Variants in ABTB3 observed in about 807,000 individuals in gnomAD.
ABTB3 encodes ankyrin repeat- and BTB/POZ domain-containing protein 3.
the ABTB3 span, among the ~76,000 whole-genome samples, chr12:107,358,612 C>T: frequency 6.6e-6 from 1 of 151,356 alleles, no homozygotes; most frequent in African/African-American, 2.4e-5. Context: ...TTTTTTTTCC[C>T]AAGACAGCGT....
the ABTB3 span, among the ~76,000 whole-genome samples, chr12:107,454,377 A>G: frequency 3.3e-5 from 5 of 152,228 alleles, no homozygotes; most frequent in African/African-American, 1.2e-4. Context: ...TCTGCACTGC[A>G]CAGCTTGCAT....
chr12:107,622,015 A>T, the ABTB3 span, among the ~76,000 whole-genome samples: 1 of 152,040 alleles, frequency 6.6e-6, no homozygotes, highest in Non-Finnish European at 1.5e-5. Context: ...CCGAGGTGGG[A>T]GGATTGCTTG....
chr12:107,508,101 T>A, the ABTB3 span, among the ~76,000 whole-genome samples: 2 of 142,616 alleles, frequency 1.4e-5, no homozygotes, highest in Admixed American at 1.4e-4. Context: ...GATGGATGGA[T>A]GGATGGATGG....
the ABTB3 span, among the ~76,000 whole-genome samples, chr12:107,492,391 G>T: frequency 1.3e-5 from 2 of 152,084 alleles, no homozygotes; most frequent in Admixed American, 6.5e-5. Flanking sequence ...TCTCCATCTC[G>T]CAGGTAGATC....
At chr12:107,448,244 C>T in the ABTB3 span, among the ~76,000 whole-genome samples, 1 of 152,182 alleles carries the variant, frequency 6.6e-6, no homozygotes, top group Non-Finnish European at 1.5e-5. Context: ...CTTTCAAGGA[C>T]TTTAAAGGAT....
the ABTB3 span, among the ~76,000 whole-genome samples, chr12:107,578,491 C>G: frequency 2.7e-5 from 4 of 147,064 alleles, no homozygotes; most frequent in African/African-American, 1.0e-4. Flanking sequence ...AGGCAGCAGC[C>G]CAAGGGCAGT....
chr12:107,497,294 C>A, the ABTB3 span, among the ~76,000 whole-genome samples: 4 of 151,054 alleles, frequency 2.6e-5, no homozygotes, highest in African/African-American at 7.4e-5. Flanking sequence ...AACACCACCA[C>A]CATCACTATC....
the ABTB3 span, among the ~76,000 whole-genome samples, chr12:107,345,672 A>G: frequency 2.2e-4 from 33 of 152,268 alleles, 1 homozygote; most frequent in East Asian, 6.2e-3. Flanking sequence ...TGAATTCCCC[A>G]AAGGAAAACA....
At chr12:107,534,194 A>T in the ABTB3 span, among the ~76,000 whole-genome samples, 1 of 149,292 alleles carries the variant, frequency 6.7e-6, no homozygotes, top group African/African-American at 2.5e-5. Context: ...TGGGTAACAT[A>T]GCAATACCCT....
At chr12:107,371,833 C>T in the ABTB3 span, among the ~76,000 whole-genome samples, 1 of 152,140 alleles carries the variant, frequency 6.6e-6, no homozygotes, top group Non-Finnish European at 1.5e-5. Context: ...TCATGGCAGA[C>T]ATAACTAATT....
At chr12:107,485,139 T>C in the ABTB3 span, among the ~76,000 whole-genome samples, 3 of 152,166 alleles carry the variant, frequency 2.0e-5, no homozygotes, top group Middle Eastern at 6.3e-3. Flanking sequence ...TAGGGGTAAA[T>C]AATGGGCCAA....
At chr12:107,520,021 C>T in the ABTB3 span, among the ~76,000 whole-genome samples, 2 of 152,014 alleles carry the variant, frequency 1.3e-5, no homozygotes, top group African/African-American at 4.8e-5. Context: ...GGTAACAGCC[C>T]GACCATCCAG....
At chr12:107,556,905 G>A in the ABTB3 span, among the ~76,000 whole-genome samples, 8 of 152,116 alleles carry the variant, frequency 5.3e-5, no homozygotes, top group East Asian at 1.9e-4. Flanking sequence ...CAAGCTACTC[G>A]GGAGGCTGAG....
the ABTB3 span, among the ~76,000 whole-genome samples, chr12:107,644,963 C>CA: frequency 2.9e-5 from 4 of 137,080 alleles, no homozygotes; most frequent in Admixed American, 7.7e-5. Flanking sequence ...TGCACCATGT[C>CA]AAAATTCACT....
the ABTB3 span, among the ~76,000 whole-genome samples, chr12:107,593,402 T>C: frequency 1.3e-5 from 2 of 152,324 alleles, 1 homozygote; most frequent in South Asian, 4.1e-4. Flanking sequence ...ATTGGAACAC[T>C]AGAAATTTGC....
the ABTB3 span, among the ~76,000 whole-genome samples, chr12:107,451,315 C>T: frequency 1.3e-5 from 2 of 152,174 alleles, no homozygotes; most frequent in African/African-American, 2.4e-5. Context: ...CTAGATGCTG[C>T]AACTCCAAAG....
chr12:107,562,384 G>A, the ABTB3 span, among the ~76,000 whole-genome samples: 8 of 152,232 alleles, frequency 5.3e-5, no homozygotes, highest in Admixed American at 2.0e-4. Flanking sequence ...TTGGAGCAGA[G>A]ATCTAAAGAA....
At chr12:107,345,044 A>G in the ABTB3 span, among the ~76,000 whole-genome samples, 1 of 152,286 alleles carries the variant, frequency 6.6e-6, no homozygotes, top group East Asian at 1.9e-4. Context: ...TCCTTCATCC[A>G]GGCTTGTGAG....
At chr12:107,473,175 T>A in the ABTB3 span, among the ~76,000 whole-genome samples, 1 of 152,158 alleles carries the variant, frequency 6.6e-6, no homozygotes, top group East Asian at 1.9e-4. Flanking sequence ...GTAATATACA[T>A]ACAGAAAGTG....
Sources: gnomAD v4.1 joint callset for allele counts (sites outside exome capture counted in the v4.1 genomes callset) on GRCh38, gnomAD v4.1.1 for gene constraint, MANE v1.5 for transcripts, NCBI Gene and HGNC (gene_info 2026-07-23, HGNC 2026-07-21) for gene names.